Variants in LHFPL1 observed in about 807,000 individuals in gnomAD.
LHFPL1 encodes the protein LHFPL tetraspan subfamily member 1 protein.
Under a neutral mutation model 12.1 loss-of-function variants are expected in LHFPL1, and 4 were observed. The observed-to-expected ratio is 0.33, with a 90% CI of 0.16 to 0.76. The LOEUF (loss-of-function observed/expected upper bound fraction) is 0.76. LHFPL1 is among the 30% of genes least tolerant of loss of function. LHFPL1 has a pLI of 0.61. For synonymous variants in LHFPL1, 52 were observed against 61.9 expected (o/e 0.84, Z 0.75); for missense variants, 141 against 174.1 (o/e 0.81, Z 1.07).
At chrX:112,651,891 A>G (rs1040591985) in intron 3 of LHFPL1, among the ~76,000 whole-genome samples, 1 of 112,533 alleles carries the variant, frequency 8.9e-6, no homozygotes, top group African/African-American at 3.2e-5. Flanking sequence ...CAGTTAGGAT[A>G]AAATACAAAG....
In LHFPL1 at chrX:112,675,579, T is replaced by C. The variant is rs1262392763; in HGVS notation, c.-14-4175A>G. On this transcript the variant is annotated intron_variant, in intron 1 of 3. Transcript: ENST00000371968. ...GAAAAACTCATTGTCCTTCAGAATT[T>C]AGATGAAGTACTTTCAACTTTAGGA... is the stretch of plus-strand genomic sequence containing the variant. 3.6e-5 allele frequency among the ~76,000 whole-genome samples: 4 copies of C among 112,522 alleles called. No individual in the cohort carries two copies. The Admixed American group carries it at 3.8e-4, about 11-fold the overall frequency.
At chrX:112,667,475 C>T (rs370853586) in intron 2 of LHFPL1, among the ~76,000 whole-genome samples, 3 of 112,122 alleles carry the variant, frequency 2.7e-5, no homozygotes, top group Admixed American at 9.4e-5. Context: ...ATTCCTTGGT[C>T]GAGAAAGATT....
chrX:112,670,865 A>G, intron 2 of LHFPL1, 144 bp downstream of exon 2: 1 of 672,926 alleles, frequency 1.5e-6, no homozygotes, highest in Non-Finnish European at 2.2e-6. Flanking sequence ...CCTAGACTAA[A>G]TATTTTAAAG....
chrX:112,649,073 G>A (rs1216796686), intron 3 of LHFPL1, among the ~76,000 whole-genome samples: 1 of 111,184 alleles, frequency 9.0e-6, no homozygotes, highest in Non-Finnish European at 1.9e-5. Context: ...GCTCCCAATT[G>A]TTTTAAAGCA....
chrX:112,644,780 G>A (rs1930638718), intron 3 of LHFPL1, among the ~76,000 whole-genome samples: 1 of 112,125 alleles, frequency 8.9e-6, no homozygotes, highest in Non-Finnish European at 1.9e-5. Flanking sequence ...CCTGCTATGG[G>A]CATGGAAATG....
chrX:112,671,076 A>G lies in LHFPL1; in HGVS notation c.315T>C (p.Gly105=), dbSNP rs757810086. 14 of 1,211,915 alleles carry G rather than the reference A, an allele frequency of 1.2e-5. No homozygotes were observed. In the East Asian group the frequency reaches 3.8e-4, roughly 33 times the overall value. The change falls in exon 2 of 4, where the codon GGT becomes GGC. Residue 105 remains glycine, a synonymous_variant. Transcript: ENST00000371968. ...TGGAGATGAGCTCCTCCATGCAGCA[A>G]CCCAGGACAGCAGCTAGTGCCACCA... ...LLLVALAAVL[G]CCMEELISRM...
intron 2 of LHFPL1, among the ~76,000 whole-genome samples, chrX:112,668,215 T>C (rs1284952213): frequency 8.9e-6 from 1 of 112,125 alleles, no homozygotes; most frequent in Non-Finnish European, 1.9e-5. Context: ...TTGGTTTCCT[T>C]CCACTGGCAA....
intron 1 of LHFPL1, among the ~76,000 whole-genome samples, chrX:112,677,837 A>C (rs1931695327): frequency 9.0e-6 from 1 of 110,943 alleles, no homozygotes; most frequent in Admixed American, 9.6e-5. Context: ...CTCTAAGAAG[A>C]TCTCTCTTTT....
rs57793060 is a variant in LHFPL1, at chrX:112,657,909, C to CAAAAA, written c.481+2713_481+2717dup. 3.5e-3 allele frequency among the ~76,000 whole-genome samples: 215 copies of CAAAAA among 61,327 alleles called. 1 individual carries two copies. The highest frequency in any genetic ancestry group is 9.4e-3 in the African/African-American group (204 of 21,641). 53.3% of individuals were successfully genotyped at this position (61,327 alleles called of 115,157 possible). On this transcript the variant is annotated intron_variant, in intron 3 of 3. Coordinates refer to ENST00000371968, the MANE Select transcript of LHFPL1 (RefSeq NM_178175.4). Reference sequence around the variant, plus strand: ...TTAAATATGACACCTAAAACAGAAGCAAAAAAAAAAAAAAGAAAAAGGAAA... The same window carrying CAAAAA: ...TTAAATATGACACCTAAAACAGAAGCAAAAAAAAAAAAAAAAAAAGAAAAAGGAAA...
At chrX:112,650,195 A>T (rs976660757) in intron 3 of LHFPL1, among the ~76,000 whole-genome samples, 1 of 111,013 alleles carries the variant, frequency 9.0e-6, no homozygotes, top group African/African-American at 3.3e-5. Context: ...CAGTAGAAAA[A>T]AAAATTCCTC....
At chrX:112,665,901 C>T (rs1397395496) in intron 2 of LHFPL1, among the ~76,000 whole-genome samples, 1 of 111,904 alleles carries the variant, frequency 8.9e-6, no homozygotes, top group East Asian at 2.8e-4. Flanking sequence ...CCCAGCATTA[C>T]TAATTGCCCA....
At chrX:112,679,194 C>G (rs1157435858) in intron 1 of LHFPL1, among the ~76,000 whole-genome samples, 1 of 111,307 alleles carries the variant, frequency 9.0e-6, no homozygotes, top group African/African-American at 3.3e-5. Flanking sequence ...AGTTCCCCAC[C>G]ACAAAATGAA....
At chrX:112,648,418 T>G (rs1001783182) in intron 3 of LHFPL1, among the ~76,000 whole-genome samples, 1 of 111,845 alleles carries the variant, frequency 8.9e-6, no homozygotes, top group Non-Finnish European at 1.9e-5. Context: ...AATGCCACAT[T>G]TCTCTGAACA....
chrX:112,641,158 A>G (rs1014230372), intron 3 of LHFPL1, among the ~76,000 whole-genome samples: 1 of 111,933 alleles, frequency 8.9e-6, no homozygotes, highest in Non-Finnish European at 1.9e-5. Context: ...CAACGGATAT[A>G]CACCACAGAG....
Position 112,643,758 on chromosome X carries a change from C to T in LHFPL1, c.482-12157G>A, listed in dbSNP as rs139195723. Among the ~76,000 whole-genome samples the T allele has an allele frequency of 3.4e-3, 382 of 111,540 alleles. 1 individual carries two copies. Among genetic ancestry groups the T allele is most frequent in the African/African-American group, 0.012 (364 of 30,653 alleles). ...AAACAGGTTTAAAGAAGTGAAATTA[C>T]TTATCTATGGTGATACAGTCAGATA... On this transcript the variant is annotated intron_variant, in intron 3 of 3. Transcript: ENST00000371968.
intron 3 of LHFPL1, among the ~76,000 whole-genome samples, chrX:112,654,096 A>G (rs1313297869): frequency 8.9e-6 from 1 of 111,869 alleles, no homozygotes; most frequent in Non-Finnish European, 1.9e-5. Context: ...AAAATTTAAA[A>G]TAACCATTAA....
intron 3 of LHFPL1, among the ~76,000 whole-genome samples, chrX:112,640,505 A>G (rs1158624438): frequency 8.9e-6 from 1 of 111,832 alleles, no homozygotes; most frequent in East Asian, 2.8e-4. Flanking sequence ...TCTGGACTTT[A>G]TCCTGAAGGC....
intron 3 of LHFPL1, among the ~76,000 whole-genome samples, chrX:112,645,820 T>C (rs1930668452): frequency 8.9e-6 from 1 of 112,097 alleles, no homozygotes; most frequent in African/African-American, 3.2e-5. Flanking sequence ...TTAATAAAAT[T>C]AAGGTATATG....
chrX:112,641,029 GT>G (rs1801202413), intron 3 of LHFPL1, among the ~76,000 whole-genome samples: 1 of 111,539 alleles, frequency 9.0e-6, no homozygotes, highest in Admixed American at 9.5e-5. Flanking sequence ...GCCAGACCCA[GT>G]GAGCTGATTT....
Sources: gnomAD v4.1 joint callset for allele counts (sites outside exome capture counted in the v4.1 genomes callset) on GRCh38, gnomAD v4.1.1 for gene constraint, MANE v1.5 for transcripts, NCBI Gene and HGNC (gene_info 2026-07-23, HGNC 2026-07-21) for gene names.